GMDS: variants seen among roughly 807,000 people sequenced by gnomAD.
GMDS encodes the protein GDP-mannose 4,6 dehydratase.
A neutral mutation model predicts 49.9 loss-of-function variants in GMDS; 20 were observed. That is an observed-to-expected ratio of 0.40 (90% confidence interval 0.28 to 0.58). GMDS has a LOEUF of 0.58. Ranked by LOEUF, GMDS falls within the 20% of genes least tolerant of loss-of-function variation. The pLI is 0.42. For missense variants in GMDS, 362 were observed against 481.4 expected (o/e 0.75, Z 2.32); for synonymous variants, 177 against 178.6 (o/e 0.99, Z 0.07).
intron 7 of GMDS, among the ~76,000 whole-genome samples, chr6:1,847,395 A>G (rs1757457296): frequency 6.6e-6 from 1 of 152,228 alleles, no homozygotes; most frequent in South Asian, 2.1e-4. Context: ...GAGAAAAATC[A>G]TGGGGGAACA....
chr6:2,023,850 T>C (rs1768420526), intron 4 of GMDS, among the ~76,000 whole-genome samples: 1 of 152,114 alleles, frequency 6.6e-6, no homozygotes, highest in African/African-American at 2.4e-5. Context: ...GAAGAGAGGC[T>C]GAGATGCTCC....
chr6:1,666,082 T>C (rs1346534097), intron 9 of GMDS, among the ~76,000 whole-genome samples: 10 of 152,184 alleles, frequency 6.6e-5, no homozygotes, highest in Admixed American at 5.9e-4. Context: ...ATGTAGGGCT[T>C]CCGGTCTACA....
rs538825762 is a variant in GMDS at position 1,802,660 on chromosome 6, C to T, written c.772-60074G>A. Among the ~76,000 whole-genome samples, 5 of 152,338 alleles carry T rather than the reference C, an allele frequency of 3.3e-5. No homozygotes were observed. The South Asian group carries it at 6.2e-4, about 19-fold the overall frequency. ...GCCTGGGCGAGTCTGCCCTACAGGG[C>T]GGCACAGTAAGATTCCAGCAAAAAC... On this transcript the variant is annotated intron_variant, in intron 7 of 10. Coordinates refer to ENST00000380815, the MANE Select transcript of GMDS (RefSeq NM_001500.4).
chr6:1,733,609 G>A (rs1489088762), intron 8 of GMDS, among the ~76,000 whole-genome samples: 2 of 152,228 alleles, frequency 1.3e-5, no homozygotes, highest in African/African-American at 2.4e-5. Context: ...TTGAGGCCAC[G>A]AGCTTGAGAC....
intron 7 of GMDS, among the ~76,000 whole-genome samples, chr6:1,824,942 T>A (rs1344946194): frequency 1.3e-5 from 2 of 152,174 alleles, no homozygotes; most frequent in African/African-American, 4.8e-5. Context: ...ACTATCATAT[T>A]TAAATCACCT....
At chr6:1,801,695 C>T (rs1581197800) in intron 7 of GMDS, among the ~76,000 whole-genome samples, 1 of 152,232 alleles carries the variant, frequency 6.6e-6, no homozygotes. Context: ...TGGCGGGCAG[C>T]CCCGGGCACA....
chr6:2,169,874 G>A (rs930857797), intron 1 of GMDS, among the ~76,000 whole-genome samples: 2 of 152,108 alleles, frequency 1.3e-5, no homozygotes, highest in African/African-American at 4.8e-5. Context: ...TAAGGGTGCT[G>A]GGCTGATTCA....
At chr6:2,131,071 T>C (rs1775711287) in intron 1 of GMDS, among the ~76,000 whole-genome samples, 1 of 152,160 alleles carries the variant, frequency 6.6e-6, no homozygotes, top group South Asian at 2.1e-4. Flanking sequence ...ACTCAAAAAC[T>C]GATATTTTGA....
chr6:1,629,651 A>T (rs534549607), intron 9 of GMDS, among the ~76,000 whole-genome samples: 1 of 151,904 alleles, frequency 6.6e-6, no homozygotes, highest in East Asian at 1.9e-4. Context: ...ACCACTGGAC[A>T]CTCCCACTGT....
chr6:2,122,861 C>G (rs1207493399), intron 2 of GMDS, among the ~76,000 whole-genome samples: 1 of 152,216 alleles, frequency 6.6e-6, no homozygotes. Flanking sequence ...GGATCTCTCT[C>G]CTAAACCTGT....
intron 4 of GMDS, among the ~76,000 whole-genome samples, chr6:2,082,257 GC>G (rs1201542098): frequency 6.6e-5 from 10 of 152,110 alleles, no homozygotes; most frequent in African/African-American, 2.2e-4. Flanking sequence ...TTACCACAGG[GC>G]TCACTGGTCA....
chr6:1,841,568 G>T (rs1195177743), intron 7 of GMDS, among the ~76,000 whole-genome samples: 1 of 152,146 alleles, frequency 6.6e-6, no homozygotes, highest in African/African-American at 2.4e-5. Flanking sequence ...TTATTTAAAA[G>T]ATTTCCAAAG....
chr6:2,208,291 T>C (rs556390531), intron 1 of GMDS, among the ~76,000 whole-genome samples: 41 of 152,356 alleles, frequency 2.7e-4, no homozygotes, highest in Admixed American at 1.0e-3. Context: ...TCCATCATTT[T>C]CAGGAGACTT....
intron 9 of GMDS, among the ~76,000 whole-genome samples, chr6:1,636,619 C>A (rs912285391): frequency 6.6e-6 from 1 of 152,174 alleles, no homozygotes; most frequent in Non-Finnish European, 1.5e-5. Flanking sequence ...CATGGAGGAA[C>A]GGGCTCCCAT....
At chr6:1,956,366 A>T (rs1348786193) in intron 6 of GMDS, among the ~76,000 whole-genome samples, 1 of 152,232 alleles carries the variant, frequency 6.6e-6, no homozygotes, top group Non-Finnish European at 1.5e-5. Context: ...GATTTGGCCC[A>T]TGAGTCCTAG....
chr6:2,164,957 G>A (rs1357873246), intron 1 of GMDS, among the ~76,000 whole-genome samples: 1 of 152,210 alleles, frequency 6.6e-6, no homozygotes, highest in East Asian at 1.9e-4. Context: ...ACAGTACCCA[G>A]ATCCTTGATT....
At chr6:2,157,504 G>A (rs776805856) in intron 1 of GMDS, among the ~76,000 whole-genome samples, 1 of 152,192 alleles carries the variant, frequency 6.6e-6, no homozygotes, top group Non-Finnish European at 1.5e-5. Flanking sequence ...CTGCTGACCT[G>A]AGTAGAAAAG....
At chr6:1,952,885 G>A (rs1763425541) in intron 6 of GMDS, among the ~76,000 whole-genome samples, 1 of 152,070 alleles carries the variant, frequency 6.6e-6, no homozygotes, top group Non-Finnish European at 1.5e-5. Flanking sequence ...TCTTACTCAG[G>A]CTAAAGGTAT....
At chr6:1,639,463 G>T (rs1763262477) in intron 9 of GMDS, among the ~76,000 whole-genome samples, 1 of 152,220 alleles carries the variant, frequency 6.6e-6, no homozygotes, top group Non-Finnish European at 1.5e-5. Context: ...AGGACCCAGT[G>T]GTGTTAGAGA....
Sources: gnomAD v4.1 joint callset for allele counts (sites outside exome capture counted in the v4.1 genomes callset) on GRCh38, gnomAD v4.1.1 for gene constraint, MANE v1.5 for transcripts, NCBI Gene and HGNC (gene_info 2026-07-23, HGNC 2026-07-21) for gene names.